Variants in CCSER1 observed in about 807,000 individuals in gnomAD.
The protein encoded by CCSER1 is serine-rich coiled-coil domain-containing protein 1.
A neutral mutation model predicts 82.0 loss-of-function variants in CCSER1; 41 were observed. That is an observed-to-expected ratio of 0.50 (90% confidence interval 0.39 to 0.65). The LOEUF (loss-of-function observed/expected upper bound fraction) is 0.65. CCSER1 is among the 30% of genes least tolerant of loss of function. The pLI is 0.00. For missense variants in CCSER1, 1,119 were observed against 1,064.2 expected (o/e 1.05, Z -0.72); for synonymous variants, 414 against 383.9 (o/e 1.08, Z -0.92).
intron 9 of CCSER1, among the ~76,000 whole-genome samples, chr4:91,075,116 C>T (rs1280108487): frequency 4.6e-5 from 7 of 151,924 alleles, no homozygotes; most frequent in East Asian, 1.9e-4. Context: ...TGTATGCCAG[C>T]GCAGTTACCA....
At chr4:91,533,423 G>A (rs750553408) in intron 10 of CCSER1, among the ~76,000 whole-genome samples, 1 of 152,154 alleles carries the variant, frequency 6.6e-6, no homozygotes, top group Non-Finnish European at 1.5e-5. Context: ...CCTGAAAAAT[G>A]TTGGAGTTTC....
intron 6 of CCSER1, among the ~76,000 whole-genome samples, chr4:90,682,739 G>C (rs1734121859): frequency 6.6e-6 from 1 of 151,884 alleles, no homozygotes; most frequent in Non-Finnish European, 1.5e-5. Flanking sequence ...TTTTGTCCTT[G>C]AACATATATA....
chr4:90,976,900 T>C (rs78689686), intron 9 of CCSER1, among the ~76,000 whole-genome samples: 3,259 of 151,664 alleles, frequency 0.021, 128 homozygotes, highest in African/African-American at 0.07. Context: ...ATTTCTTCTC[T>C]ACTAGCAAAA....
intron 9 of CCSER1, among the ~76,000 whole-genome samples, chr4:91,056,320 A>G (rs1743444175): frequency 6.6e-6 from 1 of 152,148 alleles, no homozygotes; most frequent in South Asian, 2.1e-4. Context: ...AAAAAAGAAG[A>G]TAATTTATCA....
intron 4 of CCSER1, among the ~76,000 whole-genome samples, chr4:90,467,438 C>T (rs1245070209): frequency 1.3e-5 from 2 of 151,998 alleles, no homozygotes; most frequent in African/African-American, 4.8e-5. Context: ...GTAATCCCAG[C>T]ACTTTGGGAG....
chr4:91,456,635 G>A (rs1756192324), intron 10 of CCSER1, among the ~76,000 whole-genome samples: 1 of 151,862 alleles, frequency 6.6e-6, no homozygotes, highest in Non-Finnish European at 1.5e-5. Context: ...ACCACTTCAA[G>A]CAGTATTTCT....
chr4:91,000,213 A>AG (rs201590930), intron 9 of CCSER1, among the ~76,000 whole-genome samples: 73 of 137,122 alleles, frequency 5.3e-4, no homozygotes, highest in Non-Finnish European at 8.2e-4. Flanking sequence ...AGTATAGTAT[A>AG]GTATAGGTAT....
chr4:91,229,556 T>G (rs750091907), intron 10 of CCSER1, among the ~76,000 whole-genome samples: 1 of 152,068 alleles, frequency 6.6e-6, no homozygotes, highest in Admixed American at 6.6e-5. Context: ...TGCGGCACTA[T>G]TCACAATAGC....
intron 3 of CCSER1, among the ~76,000 whole-genome samples, chr4:90,338,060 G>C (rs1740735780): frequency 6.6e-6 from 1 of 152,162 alleles, no homozygotes; most frequent in Non-Finnish European, 1.5e-5. Flanking sequence ...ATAAAATGCT[G>C]ATACTAATGT....
At chr4:91,461,924 T>C (rs1756523426) in intron 10 of CCSER1, among the ~76,000 whole-genome samples, 1 of 152,182 alleles carries the variant, frequency 6.6e-6, no homozygotes, top group African/African-American at 2.4e-5. Context: ...GAGAAGTAAG[T>C]AACTGGTGAA....
At chr4:91,211,324 G>A (rs896098805) in intron 10 of CCSER1, among the ~76,000 whole-genome samples, 1 of 152,034 alleles carries the variant, frequency 6.6e-6, no homozygotes, top group African/African-American at 2.4e-5. Flanking sequence ...CTTGCTGGAT[G>A]TCGAGTGTGT....
At chr4:91,501,364 T>C (rs1759203663) in intron 10 of CCSER1, among the ~76,000 whole-genome samples, 1 of 151,916 alleles carries the variant, frequency 6.6e-6, no homozygotes, top group African/African-American at 2.4e-5. Context: ...TTGTAATTGG[T>C]TTAACCATTT....
intron 5 of CCSER1, among the ~76,000 whole-genome samples, chr4:90,542,048 T>A (rs984343023): frequency 4.6e-5 from 7 of 152,076 alleles, no homozygotes; most frequent in African/African-American, 1.7e-4. Flanking sequence ...ATTATATAAT[T>A]TGCTTAGTAA....
chr4:90,389,545 A>C (rs1403183731), intron 3 of CCSER1, among the ~76,000 whole-genome samples: 1 of 152,240 alleles, frequency 6.6e-6, no homozygotes, highest in Non-Finnish European at 1.5e-5. Flanking sequence ...ATTTAGTGAC[A>C]TCATAATGGG....
chr4:90,628,340 G>A (rs1171332462), intron 6 of CCSER1, 108 bp downstream of exon 6: 21 of 809,648 alleles, frequency 2.6e-5, no homozygotes, highest in Non-Finnish European at 4.0e-5. Context: ...ACATTGGGCA[G>A]GGGTCAGGTT....
At chr4:91,313,846 A>G (rs1443548251) in intron 10 of CCSER1, among the ~76,000 whole-genome samples, 2 of 152,014 alleles carry the variant, frequency 1.3e-5, no homozygotes, top group African/African-American at 2.4e-5. Flanking sequence ...AGATGAGTCC[A>G]AGTAAACAAG....
chr4:90,881,055 A>G (rs2150072625), intron 8 of CCSER1, among the ~76,000 whole-genome samples: 1 of 152,236 alleles, frequency 6.6e-6, no homozygotes, highest in East Asian at 1.9e-4. Flanking sequence ...ATTAAAAAAA[A>G]AAAAAATGCT....
At chr4:91,479,356 T>C (rs1358556304) in intron 10 of CCSER1, among the ~76,000 whole-genome samples, 1 of 151,874 alleles carries the variant, frequency 6.6e-6, no homozygotes, top group Non-Finnish European at 1.5e-5. Context: ...AAACTTCAAA[T>C]TGGCATAAAA....
chr4:91,120,651 A>C lies in CCSER1; in HGVS notation c.2217+34657A>C, dbSNP rs1368374471. On this transcript the variant is annotated intron_variant, in intron 10 of 10. Transcript: ENST00000509176. The stretch of plus-strand genomic sequence containing the variant: ...AGAGGAATCTATGTCATGAGGCGTA[A>C]AAATTTGAGGGATTATTCTGGGAAG... Among the ~76,000 whole-genome samples the C allele has an allele frequency of 2.6e-5, 4 of 151,882 alleles. No individual in the cohort carries two copies. In the East Asian group the frequency reaches 7.7e-4, roughly 29 times the overall value.
Sources: gnomAD v4.1 joint callset for allele counts (sites outside exome capture counted in the v4.1 genomes callset) on GRCh38, gnomAD v4.1.1 for gene constraint, MANE v1.5 for transcripts, NCBI Gene and HGNC (gene_info 2026-07-23, HGNC 2026-07-21) for gene names.